EFCAB6: variants seen among roughly 807,000 people sequenced by gnomAD.
EFCAB6 encodes EF-hand calcium binding domain 6.
EFCAB6 carries 156 observed loss-of-function variants against 169.8 expected under a neutral mutation model. The observed-to-expected ratio is 0.92, with a 90% CI of 0.81 to 1.05. EFCAB6 has a LOEUF of 1.05. Ranked by LOEUF, EFCAB6 falls within the 50% of genes least tolerant of loss-of-function variation. The probability of loss-of-function intolerance (pLI) is 0.00; values close to 1 mark genes in which losing one functional copy is unlikely to be tolerated. For missense variants in EFCAB6, 1,800 were observed against 1,829.1 expected (o/e 0.98, Z 0.29); for synonymous variants, 698 against 676.4 (o/e 1.03, Z -0.50).
chr22:43,786,930 C>A (rs1569489174), intron 2 of EFCAB6, among the ~76,000 whole-genome samples: 1 of 151,802 alleles, frequency 6.6e-6, no homozygotes, highest in Non-Finnish European at 1.5e-5. Context: ...ATGTGATAAA[C>A]CATATTATTA....
At chr22:43,758,831 A>G (rs570402681) in intron 5 of EFCAB6, among the ~76,000 whole-genome samples, 2 of 152,304 alleles carry the variant, frequency 1.3e-5, no homozygotes, top group African/African-American at 2.4e-5. Flanking sequence ...CTTACTTTTT[A>G]TGTCTATAAT....
At chr22:43,547,364 G>C (rs1236415182) in intron 27 of EFCAB6, among the ~76,000 whole-genome samples, 1 of 152,096 alleles carries the variant, frequency 6.6e-6, no homozygotes, top group Non-Finnish European at 1.5e-5. Flanking sequence ...AAAATTTCAA[G>C]GGCAATTATC....
intron 21 of EFCAB6, among the ~76,000 whole-genome samples, chr22:43,611,708 G>A (rs2053319386): frequency 1.3e-5 from 2 of 152,174 alleles, no homozygotes; most frequent in African/African-American, 2.4e-5. Flanking sequence ...TGAGGTGGGA[G>A]AATGGCTTGA....
chr22:43,647,913 C>G (rs542094147), intron 17 of EFCAB6, among the ~76,000 whole-genome samples: 40 of 152,144 alleles, frequency 2.6e-4, no homozygotes, highest in Non-Finnish European at 5.4e-4. Flanking sequence ...CATGGCTCTG[C>G]TGACACCTTG....
At chr22:43,624,425 C>T (rs977956074) in intron 20 of EFCAB6, among the ~76,000 whole-genome samples, 3 of 152,182 alleles carry the variant, frequency 2.0e-5, no homozygotes, top group Non-Finnish European at 4.4e-5. Flanking sequence ...ACAGCCCGCC[C>T]TCCTGCCCTC....
At chr22:43,735,737 T>A in intron 7 of EFCAB6, 120 bp downstream of exon 7, 1 of 1,042,546 alleles carries the variant, frequency 9.6e-7, no homozygotes. Flanking sequence ...AGAAATAAGG[T>A]GTGTGTGTGT....
At chr22:43,543,504 G>A (rs900643054) in intron 27 of EFCAB6, among the ~76,000 whole-genome samples, 9 of 152,170 alleles carry the variant, frequency 5.9e-5, no homozygotes, top group Non-Finnish European at 1.5e-5. Context: ...TCTAGGACAG[G>A]GGTAAGAACC....
chr22:43,765,786 T>C lies in EFCAB6; in HGVS notation c.352-393A>G, dbSNP rs115615527. Among the ~76,000 whole-genome samples the C allele has an allele frequency of 1.6e-3, 245 of 152,202 alleles. 1 individual carries two copies. Among genetic ancestry groups the C allele is most frequent in the African/African-American group, 5.3e-3 (222 of 41,522 alleles). ...GTGTCACGTGAACTTTGTACACGAG[T>C]TTGTACATACAGTTTTAAGGTAGAA... On this transcript the variant is annotated intron_variant, in intron 4 of 31. Transcript: ENST00000262726.
At chr22:43,553,086 G>C (rs537731117) in intron 27 of EFCAB6, 1 of 152,292 alleles carries the variant, frequency 6.6e-6, no homozygotes, top group Non-Finnish European at 1.5e-5. Flanking sequence ...TGCATTCTTG[G>C]GGCAGTGAGT....
At chr22:43,540,013 C>A in intron 28 of EFCAB6, 114 bp downstream of exon 28, 1 of 1,170,686 alleles carries the variant, frequency 8.5e-7, no homozygotes, top group East Asian at 2.5e-5. Flanking sequence ...CAGACTCACC[C>A]GTCTTCTCAG....
intron 11 of EFCAB6, among the ~76,000 whole-genome samples, chr22:43,684,497 C>G (rs1253557042): frequency 9.9e-5 from 15 of 152,152 alleles, no homozygotes; most frequent in Non-Finnish European, 2.2e-4. Context: ...AATCTCATCA[C>G]AATATACCAT....
rs184253667 is a variant in EFCAB6, at chr22:43,752,859, C to A, written c.507+2907G>T. 3.3e-4 allele frequency among the ~76,000 whole-genome samples: 51 copies of A among 152,240 alleles called. No homozygotes were observed. In the East Asian group the frequency reaches 8.5e-3, roughly 25 times the overall value. On this transcript the variant is annotated intron_variant, in intron 6 of 31. Transcript: ENST00000262726. ...TTCGGTTTCTCATAAGGGAAAAAAACCAAACATCTCTGTGTCCAAGGGGTT... is the reference window on the plus strand; with the variant it reads ...TTCGGTTTCTCATAAGGGAAAAAAAACAAACATCTCTGTGTCCAAGGGGTT...
chr22:43,640,972 G>C (rs1489999572), intron 17 of EFCAB6, among the ~76,000 whole-genome samples: 1 of 152,070 alleles, frequency 6.6e-6, no homozygotes, highest in African/African-American at 2.4e-5. Flanking sequence ...CCCCAGCCTG[G>C]GTGACCAGAA....
At chr22:43,651,376 G>A (rs189749815) in intron 17 of EFCAB6, among the ~76,000 whole-genome samples, 83 of 152,372 alleles carry the variant, frequency 5.4e-4, no homozygotes, top group African/African-American at 1.9e-3. Context: ...GCCTGTGAGT[G>A]CACAGAAGTC....
At chr22:43,623,513 C>G (rs2054250150) in intron 20 of EFCAB6, among the ~76,000 whole-genome samples, 1 of 151,958 alleles carries the variant, frequency 6.6e-6, no homozygotes, top group Non-Finnish European at 1.5e-5. Flanking sequence ...CAACATTTTC[C>G]AAAGTATTGT....
chr22:43,741,290 TA>T (rs1406665475), intron 6 of EFCAB6, among the ~76,000 whole-genome samples: 1 of 151,656 alleles, frequency 6.6e-6, no homozygotes, highest in Non-Finnish European at 1.5e-5. Context: ...TCTCATCCGC[TA>T]TGAGCTCCTA....
chr22:43,585,417 G>A (rs554222896), intron 24 of EFCAB6, among the ~76,000 whole-genome samples: 75 of 152,104 alleles, frequency 4.9e-4, no homozygotes, highest in Non-Finnish European at 9.6e-4. Flanking sequence ...CTCTGAAACT[G>A]AAATGCAAAG....
intron 28 of EFCAB6, 77 bp downstream of exon 28, chr22:43,540,050 C>T: frequency 6.6e-7 from 1 of 1,520,374 alleles, no homozygotes; most frequent in Non-Finnish European, 9.0e-7. Flanking sequence ...CATAGTAGGG[C>T]CCCCAAAGTC....
chr22:43,678,095 GCTTAGTTTTACAGC>G lies in EFCAB6; in HGVS notation c.1306_1319del (p.Ala436ArgfsTer12). On this transcript the variant is annotated frameshift_variant, in exon 13 of 32. Transcript: ENST00000262726. LOFTEE classifies it high-confidence loss of function. The stretch of plus-strand genomic sequence containing the variant: ...GCATTAGTTCTTTGAATTCTGAATC[GCTTAGTTTTACAGC>G]CATGCAATTTAGAATATATCGAAAT... The G allele has an allele frequency of 6.2e-7, 1 of 1,612,696 alleles. No individual in the cohort carries two copies. Among genetic ancestry groups the G allele is most frequent in the Non-Finnish European group, 8.5e-7 (1 of 1,179,846 alleles).
Sources: gnomAD v4.1 joint callset for allele counts (sites outside exome capture counted in the v4.1 genomes callset) on GRCh38, gnomAD v4.1.1 for gene constraint, MANE v1.5 for transcripts, NCBI Gene and HGNC (gene_info 2026-07-23, HGNC 2026-07-21) for gene names.